The following DISC1 variants were observed in gnomAD, a reference collection of about 807,000 sequenced individuals.
DISC1 encodes disrupted in schizophrenia 1 protein.
Under a neutral mutation model 84.5 loss-of-function variants are expected in DISC1, and 57 were observed. That is an observed-to-expected ratio of 0.67 (90% confidence interval 0.55 to 0.84). The LOEUF (loss-of-function observed/expected upper bound fraction) is 0.84, where lower values mean the gene tolerates loss of function less well. Ranked by LOEUF, DISC1 falls within the 40% of genes least tolerant of loss-of-function variation. The probability of loss-of-function intolerance (pLI) is 0.00; values close to 1 mark genes in which losing one functional copy is unlikely to be tolerated. For synonymous variants in DISC1, 411 were observed against 415.2 expected (o/e 0.99, Z 0.12); for missense variants, 1,000 against 1,057.8 (o/e 0.95, Z 0.76).
In DISC1 at chr1:231,886,757, T is replaced by C. The variant is rs550024372; in HGVS notation, c.1981+68240T>C. 3.5e-4 allele frequency among the ~76,000 whole-genome samples: 34 copies of C among 97,324 alleles called. No homozygotes were observed. In the South Asian group the frequency reaches 9.5e-3, roughly 27 times the overall value. 63.8% of individuals were successfully genotyped at this position (97,324 alleles called of 152,430 possible). On this transcript the variant is annotated intron_variant, in intron 9 of 12. Coordinates refer to ENST00000439617, the MANE Select transcript of DISC1 (RefSeq NM_018662.3). ...ACTTTCTTTCTCTTTCTTCCTTTCT[T>C]CCTTCCTTCCTTTCTTTCTTTCTTT...
chr1:231,733,380 G>A (rs1025953709), intron 3 of DISC1, among the ~76,000 whole-genome samples: 1 of 149,734 alleles, frequency 6.7e-6, no homozygotes, highest in African/African-American at 2.5e-5. Context: ...AGTGAGTGGT[G>A]GTGGTGATGG....
Position 231,964,412 on chromosome 1 carries a change from G to A in DISC1, c.2042+5524G>A, listed in dbSNP as rs372709294. ...GATCCTGCCACAGTCTCAAATGACC[G>A]TGATAGTAGCTGGCCCTTCCTGTAG... On this transcript the variant is annotated intron_variant, in intron 10 of 12. Transcript: ENST00000439617. 1.2e-4 allele frequency among the ~76,000 whole-genome samples: 19 copies of A among 152,268 alleles called. No homozygotes were observed. In the South Asian group the frequency reaches 2.9e-3, roughly 23 times the overall value.
chr1:231,898,650 G>A (rs183393473), intron 9 of DISC1, among the ~76,000 whole-genome samples: 29 of 152,298 alleles, frequency 1.9e-4, no homozygotes, highest in Non-Finnish European at 3.2e-4. Flanking sequence ...CAAATAACTA[G>A]GCCGGGTGTG....
intron 9 of DISC1, among the ~76,000 whole-genome samples, chr1:231,856,929 A>G (rs1243586837): frequency 2.0e-5 from 3 of 152,242 alleles, no homozygotes; most frequent in Non-Finnish European, 4.4e-5. Context: ...AGTGGGCTGC[A>G]GCAATCCTGC....
intron 6 of DISC1, among the ~76,000 whole-genome samples, chr1:231,777,698 G>A (rs2077056972): frequency 1.3e-5 from 2 of 152,176 alleles, no homozygotes; most frequent in African/African-American, 4.8e-5. Flanking sequence ...CTCCCTGCAG[G>A]TGTGCCCTCT....
chr1:231,953,217 G>A (rs1658799568), intron 9 of DISC1, among the ~76,000 whole-genome samples: 1 of 152,184 alleles, frequency 6.6e-6, no homozygotes, highest in African/African-American at 2.4e-5. Context: ...TCCCCACAGT[G>A]GGTCTCCAAT....
intron 1 of DISC1, among the ~76,000 whole-genome samples, chr1:231,691,754 G>A (rs577948320): frequency 3.9e-5 from 6 of 152,290 alleles, no homozygotes; most frequent in African/African-American, 1.4e-4. Flanking sequence ...AGAACGTTTT[G>A]CCTGCTTTGC....
At chr1:231,936,867 G>A (rs937501519) in intron 9 of DISC1, among the ~76,000 whole-genome samples, 1 of 152,136 alleles carries the variant, frequency 6.6e-6, no homozygotes, top group African/African-American at 2.4e-5. Context: ...GAGATTCCAA[G>A]GTAGCAACAA....
chr1:231,863,379 C>T (rs565317346), intron 9 of DISC1, among the ~76,000 whole-genome samples: 15 of 151,598 alleles, frequency 9.9e-5, no homozygotes, highest in Non-Finnish European at 1.2e-4. Context: ...TGCAGGTACC[C>T]GCCACCATGC....
At chr1:231,645,143 CA>C (rs1205003098) in intron 1 of DISC1, among the ~76,000 whole-genome samples, 7 of 152,158 alleles carry the variant, frequency 4.6e-5, no homozygotes, top group Admixed American at 4.6e-4. Context: ...ACCTAAACCC[CA>C]AAGGCAGGAT....
chr1:231,915,732 C>A (rs535154126), intron 9 of DISC1, among the ~76,000 whole-genome samples: 1 of 152,298 alleles, frequency 6.6e-6, no homozygotes, highest in South Asian at 2.1e-4. Flanking sequence ...GAGCTGAGAT[C>A]ACACTGTTGC....
chr1:231,965,104 T>C (rs16855812), intron 10 of DISC1, among the ~76,000 whole-genome samples: 1,816 of 152,322 alleles, frequency 0.012, 41 homozygotes, highest in African/African-American at 0.042. Context: ...ATCTATTCTC[T>C]ATCAAGTATA....
In DISC1 at chr1:232,031,199, G is replaced by A. The variant is rs12059116; in HGVS notation, c.2425+4647G>A. On this transcript the variant is annotated intron_variant, in intron 12 of 12. Coordinates refer to ENST00000439617, the MANE Select transcript of DISC1 (RefSeq NM_018662.3). The surrounding 1 kb of genome is among the most constrained non-coding windows in gnomAD (Gnocchi z 4.6). ...AAGGAAGGGAGAAAGGAGAGACAGA[G>A]AGAGAGGAAGGAAGGAAGGGAGAAA... Among the ~76,000 whole-genome samples, 185 of 145,522 alleles carry A rather than the reference G, an allele frequency of 1.3e-3. No homozygotes were observed. The highest frequency in any genetic ancestry group is 4.5e-3 in the African/African-American group (174 of 38,942).
chr1:231,804,941 C>A (rs567646275), intron 8 of DISC1, among the ~76,000 whole-genome samples: 70 of 152,106 alleles, frequency 4.6e-4, no homozygotes, highest in African/African-American at 1.6e-3. Flanking sequence ...GATGTGGCAA[C>A]ACCTTGGGAG....
At chr1:231,650,840 C>T (rs2060556973) in intron 1 of DISC1, among the ~76,000 whole-genome samples, 1 of 152,194 alleles carries the variant, frequency 6.6e-6, no homozygotes, top group East Asian at 1.9e-4. Flanking sequence ...ACCCTTTCTT[C>T]CACTTGGTCA....
At chr1:231,820,702 CAAAG>C (rs1036320417) in intron 9 of DISC1, among the ~76,000 whole-genome samples, 3 of 152,260 alleles carry the variant, frequency 2.0e-5, no homozygotes, top group African/African-American at 7.2e-5. Context: ...AGAAAAAAAA[CAAAG>C]AAGGAAGAGA....
intron 3 of DISC1, among the ~76,000 whole-genome samples, chr1:231,735,637 A>G (rs901816353): frequency 2.6e-5 from 4 of 152,176 alleles, no homozygotes; most frequent in Admixed American, 1.3e-4. Context: ...CGAACTTTCT[A>G]TAAGCTTCTT....
intron 1 of DISC1, among the ~76,000 whole-genome samples, chr1:231,662,914 G>T (rs754502089): frequency 6.6e-5 from 10 of 152,008 alleles, no homozygotes; most frequent in Non-Finnish European, 1.0e-4. Context: ...AATACTGTAA[G>T]ATATAAAGGA....
chr1:231,984,221 A>T (rs1181665131), intron 10 of DISC1, among the ~76,000 whole-genome samples: 2 of 152,272 alleles, frequency 1.3e-5, no homozygotes, highest in Non-Finnish European at 2.9e-5. Context: ...TTATGAATTT[A>T]GAAATTTTAG....
Sources: gnomAD v4.1 joint callset for allele counts (sites outside exome capture counted in the v4.1 genomes callset) on GRCh38, gnomAD v4.1.1 for gene constraint, Gnocchi (gnomAD v3.1) non-coding constraint, MANE v1.5 for transcripts, NCBI Gene and HGNC (gene_info 2026-07-23, HGNC 2026-07-21) for gene names.